The following RNF214 variants were observed in gnomAD, a reference collection of about 807,000 sequenced individuals.
The protein encoded by RNF214 is ring finger protein 214.
A neutral mutation model predicts 75.9 loss-of-function variants in RNF214; 25 were observed. That is an observed-to-expected ratio of 0.33 (90% CI 0.24 to 0.46). The LOEUF (loss-of-function observed/expected upper bound fraction) is 0.46. RNF214 is among the 20% of genes least tolerant of loss of function. The probability of loss-of-function intolerance (pLI) is 1.00; values close to 1 mark genes in which losing one functional copy is unlikely to be tolerated. For synonymous variants in RNF214, 314 were observed against 308.8 expected (o/e 1.02, Z -0.18); for missense variants, 725 against 857.5 (o/e 0.85, Z 1.93).
At chr11:117,258,225 C>T (rs951547502) in intron 6 of RNF214, among the ~76,000 whole-genome samples, 1 of 152,064 alleles carries the variant, frequency 6.6e-6, no homozygotes, top group East Asian at 1.9e-4. Context: ...CATGCCACCA[C>T]ACCCAGCTGA....
chr11:117,276,690 C>CA, intron 6 of RNF214, among the ~76,000 whole-genome samples: 1 of 152,182 alleles, frequency 6.6e-6, no homozygotes, highest in East Asian at 1.9e-4. Flanking sequence ...GTGAATGTGG[C>CA]AAAAAACCCA....
At chr11:117,246,098 T>C (rs2033218365) in intron 5 of RNF214, among the ~76,000 whole-genome samples, 1 of 152,092 alleles carries the variant, frequency 6.6e-6, no homozygotes. Context: ...CTCGAGTATC[T>C]GGACTACAGG....
At chr11:117,243,234 C>T (rs1189802144) in intron 4 of RNF214, among the ~76,000 whole-genome samples, 4 of 152,186 alleles carry the variant, frequency 2.6e-5, no homozygotes, top group Non-Finnish European at 5.9e-5. Context: ...GCAACCTCTG[C>T]CTACCAGGTT....
At chr11:117,248,731 GCCAC>G (rs2033295195) in intron 6 of RNF214, among the ~76,000 whole-genome samples, 1 of 152,144 alleles carries the variant, frequency 6.6e-6, no homozygotes, top group East Asian at 1.9e-4. Flanking sequence ...CATTATCCCA[GCCAC>G]TGTTAGTGAT....
intron 6 of RNF214, among the ~76,000 whole-genome samples, chr11:117,265,923 G>C (rs939919682): frequency 6.6e-6 from 1 of 152,152 alleles, no homozygotes; most frequent in Non-Finnish European, 1.5e-5. Flanking sequence ...CCGTTCCTAA[G>C]TAAACACTGA....
At chr11:117,260,441 G>A (rs1338048571) in intron 6 of RNF214, among the ~76,000 whole-genome samples, 1 of 152,216 alleles carries the variant, frequency 6.6e-6, no homozygotes, top group African/African-American at 2.4e-5. Flanking sequence ...ATGACGGTAT[G>A]AGTCACTTGT....
At chr11:117,264,349 A>G (rs2033748973) in intron 6 of RNF214, among the ~76,000 whole-genome samples, 2 of 152,082 alleles carry the variant, frequency 1.3e-5, no homozygotes, top group South Asian at 4.2e-4. Context: ...TGTTTTAGAG[A>G]TGGCAGGTTT....
chr11:117,281,424 ATCAT>A lies in RNF214; in HGVS notation c.1236+24_1236+27del, dbSNP rs758682524. 2.8e-5 allele frequency: 44 copies of A among 1,576,480 alleles called. 1 individual carries two copies. In the South Asian group the frequency reaches 4.8e-4, roughly 17 times the overall value. On this transcript the variant is annotated intron_variant, in intron 9 of 14. Transcript: ENST00000300650. Reference sequence around the variant, plus strand: ...GTTCGTGTAAGTGTATCTATGAGTCATCATTCAGTCAGTGTTAGTCTGTGCTTAA... The same window carrying A: ...GTTCGTGTAAGTGTATCTATGAGTCATCAGTCAGTGTTAGTCTGTGCTTAA...
chr11:117,279,956 A>C lies in RNF214; in HGVS notation c.1008A>C (p.Glu336Asp), dbSNP rs2034094046. The change falls in exon 7 of 15, where the codon GAA becomes GAC. Residue 336 changes from glutamate to aspartate, a missense_variant. Transcript: ENST00000300650. Reference protein sequence around the residue: ...ELDRLKNQDGEINRNIMEETE... With the variant: ...ELDRLKNQDGDINRNIMEETE... ...ATAGACTCAAGAATCAGGATGGCGA[A>C]ATAAATAGGAACATTATGGAAGAGA... 1 of 1,613,630 alleles carries C rather than the reference A, an allele frequency of 6.2e-7. No individual in the cohort carries two copies. Among genetic ancestry groups the C allele is most frequent in the Admixed American group, 1.7e-5 (1 of 59,980 alleles).
chr11:117,259,129 G>A (rs1217822352), intron 6 of RNF214, among the ~76,000 whole-genome samples: 1 of 152,058 alleles, frequency 6.6e-6, no homozygotes, highest in Non-Finnish European at 1.5e-5. Context: ...GCTAATTTTT[G>A]TATTCTTAGT....
chr11:117,281,507 A>G (rs997178769), intron 9 of RNF214, 93 bp from the exon 10 acceptor site: 10 of 1,381,634 alleles, frequency 7.2e-6, no homozygotes, highest in African/African-American at 1.4e-5. Context: ...GGCCTATCCT[A>G]CTATTCCTTT....
chr11:117,268,418 G>A (rs1192709081), intron 6 of RNF214, among the ~76,000 whole-genome samples: 1 of 152,210 alleles, frequency 6.6e-6, no homozygotes, highest in Non-Finnish European at 1.5e-5. Context: ...TATTTGAAAA[G>A]GAGAGTGAAA....
intron 6 of RNF214, among the ~76,000 whole-genome samples, chr11:117,264,222 C>T (rs987089972): frequency 6.6e-6 from 1 of 152,074 alleles, no homozygotes; most frequent in Non-Finnish European, 1.5e-5. Flanking sequence ...ATTTGGGAGG[C>T]TGAGGCAGGA....
At chr11:117,264,793 G>T (rs892818459) in intron 6 of RNF214, among the ~76,000 whole-genome samples, 3 of 151,936 alleles carry the variant, frequency 2.0e-5, no homozygotes, top group African/African-American at 7.3e-5. Flanking sequence ...GTCCTCTTAG[G>T]TGATTCATGA....
intron 6 of RNF214, among the ~76,000 whole-genome samples, chr11:117,260,543 C>T (rs1239146159): frequency 1.3e-5 from 2 of 151,526 alleles, no homozygotes; most frequent in Non-Finnish European, 2.9e-5. Flanking sequence ...CATGGTGGCT[C>T]ATGCCTGTAA....
In RNF214 at chr11:117,285,037, C is replaced by T. The variant is rs750492612; in HGVS notation, c.2047-49C>T. 1.3e-5 allele frequency: 18 copies of T among 1,354,376 alleles called. No individual in the cohort carries two copies. The East Asian group carries it at 4.1e-4, about 31-fold the overall frequency. The allele number at this position is 1,354,376 out of a possible 1,614,324, so 83.9% of individuals were successfully genotyped here. ...CCTTATTGGCATTCTCTCCTTCCTT[C>T]CCTTTGTTTTTCCAGATAAACCTGA... On this transcript the variant is annotated intron_variant, in intron 14 of 14. Coordinates refer to ENST00000300650, the MANE Select transcript of RNF214 (RefSeq NM_207343.4).
At chr11:117,262,662 G>A (rs12295268) in intron 6 of RNF214, among the ~76,000 whole-genome samples, 11,769 of 151,666 alleles carry the variant, frequency 0.078, 552 homozygotes, top group East Asian at 0.14. Flanking sequence ...GATTACAAGC[G>A]TGAGCTACCA....
At position 117,238,685 on chromosome 11, in the gene RNF214, T is replaced by C; in HGVS notation, c.192T>C (p.Asn64=). The stretch of plus-strand genomic sequence containing the variant: ...CAATAACCAAGGAGAATAACAGAAA[T>C]GTCCATTTGGAGCACTCAGAGCAGA... ...SQTITKENNR[N]VHLEHSEQNP... Residue 64 remains asparagine (N), a synonymous_variant, in exon 3 of 15, where the codon AAT becomes AAC. Transcript: ENST00000300650. The C allele has an allele frequency of 6.2e-7, 1 of 1,614,168 alleles. No individual in the cohort carries two copies. The highest frequency in any genetic ancestry group is 8.5e-7 in the Non-Finnish European group (1 of 1,180,030).
intron 6 of RNF214, among the ~76,000 whole-genome samples, chr11:117,248,086 C>T (rs372484042): frequency 6.6e-6 from 1 of 151,392 alleles, no homozygotes; most frequent in African/African-American, 2.4e-5. Context: ...TCTTTTTTTT[C>T]TTTTTTTGAG....
Sources: gnomAD v4.1 joint callset for allele counts (sites outside exome capture counted in the v4.1 genomes callset) on GRCh38, gnomAD v4.1.1 for gene constraint, MANE v1.5 for transcripts, NCBI Gene and HGNC (gene_info 2026-07-23, HGNC 2026-07-21) for gene names.